Variants in LYRM4 observed in about 807,000 individuals in gnomAD.
LYRM4 encodes LYR motif-containing protein 4.
In LYRM4, 9 loss-of-function variants were observed where a neutral mutation model predicts 11.7. The ratio of observed to expected loss-of-function variants is 0.77; its 90% CI spans 0.46 to 1.34. LYRM4 has a LOEUF of 1.34. Among genes scored for constraint, LYRM4 ranks in the 40% most tolerant of loss-of-function variants. The pLI is 0.00. For synonymous variants in LYRM4, 42 were observed against 40.4 expected (o/e 1.04, Z -0.15); for missense variants, 133 against 112.5 (o/e 1.18, Z -0.82).
At chr6:5,053,733 C>T in the LYRM4 span, among the ~76,000 whole-genome samples, 1 of 152,092 alleles carries the variant, frequency 6.6e-6, no homozygotes, top group Non-Finnish European at 1.5e-5. Context: ...TCCAAGTTAA[C>T]TGTACAGACA....
At chr6:5,085,487 T>A in the LYRM4 span, 1 of 1,533,616 alleles carries the variant, frequency 6.5e-7, no homozygotes, top group Admixed American at 2.0e-5. Flanking sequence ...AACGGCGTCA[T>A]GGAGCCCATA....
intron 2 of LYRM4, among the ~76,000 whole-genome samples, chr6:5,127,239 C>T (rs530581223): frequency 2.6e-5 from 4 of 152,268 alleles, no homozygotes; most frequent in East Asian, 1.9e-4. Context: ...CATGTGCCAC[C>T]GTGCCTGGCC....
intron 2 of LYRM4, among the ~76,000 whole-genome samples, chr6:5,175,680 T>C (rs1189994939): frequency 6.6e-6 from 1 of 152,164 alleles, no homozygotes; most frequent in Non-Finnish European, 1.5e-5. Context: ...ACACTTTGAA[T>C]CTGAGCCTGT....
chr6:5,206,958 G>A (rs1378176970), intron 2 of LYRM4, among the ~76,000 whole-genome samples: 2 of 152,046 alleles, frequency 1.3e-5, no homozygotes, highest in South Asian at 2.1e-4. Context: ...GCTTGGCTCT[G>A]GTATTTCAAA....
At chr6:5,107,164 A>G (rs1004943538), downstream of LYRM4, 2 of 152,272 alleles carry the variant, frequency 1.3e-5, no homozygotes, top group Non-Finnish European at 1.5e-5. Context: ...TACAAAATTA[A>G]GTCTGCATTA....
chr6:5,095,306 A>T, the LYRM4 span, among the ~76,000 whole-genome samples: 38 of 152,304 alleles, frequency 2.5e-4, no homozygotes, highest in African/African-American at 8.7e-4. Context: ...AATTTAACAG[A>T]GTTTAACCAA....
Position 5,260,875 on chromosome 6 carries a change from T to C in LYRM4, c.-142A>G. On this transcript the variant is annotated 5_prime_UTR_variant, in exon 1 of 3. Coordinates refer to ENST00000330636, the MANE Select transcript of LYRM4 (RefSeq NM_020408.6). ...TTTGCCAGCGGGCCGGGCCTAAGCC[T>C]AAGCGGGCAGCCCTGCGGATCGCGG... is the stretch of plus-strand genomic sequence containing the variant. 2 of 1,442,952 alleles carry C rather than the reference T, an allele frequency of 1.4e-6. No individual in the cohort carries two copies. Among genetic ancestry groups the C allele is most frequent in the South Asian group, 2.9e-5 (2 of 69,808 alleles). 89.4% of individuals were successfully genotyped at this position (1,442,952 alleles called of 1,614,324 possible). A position where few individuals can be genotyped will look rare whatever the true frequency, so the allele number is the denominator to read the frequency against.
chr6:5,246,797 C>G (rs1414045682), intron 1 of LYRM4, among the ~76,000 whole-genome samples: 1 of 151,924 alleles, frequency 6.6e-6, no homozygotes. Context: ...AGGGCCCTCA[C>G]AGGAGGCAGG....
At chr6:5,052,487 T>C in the LYRM4 span, among the ~76,000 whole-genome samples, 1 of 152,198 alleles carries the variant, frequency 6.6e-6, no homozygotes, top group Non-Finnish European at 1.5e-5. Flanking sequence ...AGAGATAGCA[T>C]CTCACTATGT....
At chr6:5,202,204 A>G (rs921187031) in intron 2 of LYRM4, among the ~76,000 whole-genome samples, 2 of 152,268 alleles carry the variant, frequency 1.3e-5, no homozygotes, top group East Asian at 3.8e-4. Flanking sequence ...GAACATTACT[A>G]TATATGATCT....
the LYRM4 span, among the ~76,000 whole-genome samples, chr6:5,071,048 C>T: frequency 6.6e-6 from 1 of 151,676 alleles, no homozygotes; most frequent in East Asian, 1.9e-4. Flanking sequence ...ATTACCTGGG[C>T]GTGGTAGCGG....
the LYRM4 span, among the ~76,000 whole-genome samples, chr6:5,056,774 T>C: frequency 2.6e-5 from 4 of 152,344 alleles, no homozygotes; most frequent in Middle Eastern, 3.4e-3. Context: ...TTCATTGAAG[T>C]CAGAGGTTCA....
In LYRM4 at chr6:5,222,679, C is replaced by T. The variant is rs188474590; in HGVS notation, c.87-5941G>A. On this transcript the variant is annotated intron_variant, in intron 1 of 2. Coordinates refer to ENST00000330636, the MANE Select transcript of LYRM4 (RefSeq NM_020408.6). ...TGCACTTGATTGTATGTAAATTATT[C>T]CTCAGTAAGATGACTATTAAAGTAA... 4.6e-3 allele frequency among the ~76,000 whole-genome samples: 702 copies of T among 151,086 alleles called. 4 individuals are homozygous for T. The highest frequency in any genetic ancestry group is 7.5e-3 in the Non-Finnish European group (511 of 67,860).
intron 1 of LYRM4, among the ~76,000 whole-genome samples, chr6:5,251,918 A>T (rs1561903494): frequency 6.6e-6 from 1 of 152,222 alleles, no homozygotes; most frequent in Non-Finnish European, 1.5e-5. Context: ...ATAAATCTGG[A>T]TTGCGACTGG....
chr6:5,182,585 T>G (rs1760140699), intron 2 of LYRM4, among the ~76,000 whole-genome samples: 1 of 152,242 alleles, frequency 6.6e-6, no homozygotes. Flanking sequence ...ATACTTTAGT[T>G]GTATATCATA....
the LYRM4 span, among the ~76,000 whole-genome samples, chr6:5,098,196 G>A: frequency 1.3e-5 from 2 of 152,108 alleles, no homozygotes; most frequent in African/African-American, 4.8e-5. Context: ...ATCCTGCTCC[G>A]TTCCGAACCC....
At chr6:5,247,882 C>G (rs1022972846) in intron 1 of LYRM4, among the ~76,000 whole-genome samples, 5 of 152,064 alleles carry the variant, frequency 3.3e-5, no homozygotes, top group Non-Finnish European at 5.9e-5. Context: ...TAGTTATTTA[C>G]TATAGTTATA....
intron 2 of LYRM4, chr6:5,186,827 T>C (rs1458861876): frequency 3.6e-6 from 2 of 562,628 alleles, no homozygotes; most frequent in Admixed American, 2.8e-5. Flanking sequence ...CTACTAAGAA[T>C]ACAAAAATTA....
intron 2 of LYRM4, among the ~76,000 whole-genome samples, chr6:5,183,828 A>G (rs1760222376): frequency 6.6e-6 from 1 of 152,226 alleles, no homozygotes; most frequent in Non-Finnish European, 1.5e-5. Context: ...AATAGTAAGA[A>G]CCACTGCAGA....
Sources: allele counts gnomAD v4.1 joint callset (sites outside exome capture counted in the v4.1 genomes callset), GRCh38; gene constraint gnomAD v4.1.1; transcripts MANE v1.5; gene names NCBI Gene and HGNC (gene_info 2026-07-23, HGNC 2026-07-21).